Variants in APP observed in about 807,000 individuals in gnomAD.
The protein encoded by APP is amyloid beta precursor protein.
A neutral mutation model predicts 101.4 loss-of-function variants in APP; 31 were observed. The ratio of observed to expected loss-of-function variants is 0.31; its 90% CI spans 0.23 to 0.41. The LOEUF is 0.41. APP is among the 10% of genes least tolerant of loss of function. The pLI, the probability that APP is intolerant of heterozygous loss-of-function variation, is 1.00. For synonymous variants in APP, 366 were observed against 364.4 expected (o/e 1.00, Z -0.05); for missense variants, 839 against 1,003.7 (o/e 0.84, Z 2.22).
chr21:26,168,905 A>C (rs1184022911), intron 1 of APP, among the ~76,000 whole-genome samples: 2 of 152,224 alleles, frequency 1.3e-5, no homozygotes, highest in African/African-American at 4.8e-5. Flanking sequence ...AAACTAAAAA[A>C]CTAATGGTGT....
At chr21:25,964,062 T>C (rs146703604) in intron 11 of APP, among the ~76,000 whole-genome samples, 1 of 152,228 alleles carries the variant, frequency 6.6e-6, no homozygotes, top group African/African-American at 2.4e-5. Flanking sequence ...ATTGAACAAC[T>C]AATCTCTATT....
intron 11 of APP, among the ~76,000 whole-genome samples, chr21:25,973,738 TTCGA>T (rs1170147358): frequency 2.0e-5 from 3 of 151,158 alleles, no homozygotes; most frequent in Non-Finnish European, 4.4e-5. Context: ...AGGTCAGGAG[TTCGA>T]GATCAGCCTG....
intron 1 of APP, among the ~76,000 whole-genome samples, chr21:26,135,400 A>G (rs1317104995): frequency 1.3e-5 from 2 of 152,246 alleles, no homozygotes; most frequent in African/African-American, 4.8e-5. Context: ...ATTGAATTTT[A>G]TATCACTTTC....
chr21:25,959,766 G>C lies in APP; in HGVS notation c.1459-4011C>G, dbSNP rs1375896327. 1.3e-5 allele frequency among the ~76,000 whole-genome samples: 2 copies of C among 152,242 alleles called. 1 individual carries two copies. On this transcript the variant is annotated intron_variant, in intron 11 of 17. Transcript: ENST00000346798. Reference sequence around the variant, plus strand: ...TGTGGATAAAGGATTAGGATTACTGGAAAGTGATTCAAGGTATTAAAGTTA... The same window carrying C: ...TGTGGATAAAGGATTAGGATTACTGCAAAGTGATTCAAGGTATTAAAGTTA...
chr21:25,969,550 G>T (rs543552970), intron 11 of APP, among the ~76,000 whole-genome samples: 13 of 151,952 alleles, frequency 8.6e-5, no homozygotes, highest in Non-Finnish European at 4.4e-5. Context: ...ACAAAGGAAA[G>T]ATTTAAAGGT....
At chr21:25,917,882 TCAAAA>T (rs1272572598) in intron 13 of APP, among the ~76,000 whole-genome samples, 1 of 147,064 alleles carries the variant, frequency 6.8e-6, no homozygotes, top group African/African-American at 2.5e-5. Flanking sequence ...CAGACACTTC[TCAAAA>T]CAAGACATGT....
chr21:26,043,958 C>T (rs1472654160), intron 5 of APP, among the ~76,000 whole-genome samples: 1 of 152,088 alleles, frequency 6.6e-6, no homozygotes, highest in Non-Finnish European at 1.5e-5. Context: ...ATATTGTGTT[C>T]CTATGTTACA....
chr21:26,057,111 C>A (rs1352657499), intron 3 of APP, among the ~76,000 whole-genome samples: 1 of 152,224 alleles, frequency 6.6e-6, no homozygotes, highest in Non-Finnish European at 1.5e-5. Context: ...TGAACTTCCA[C>A]TGCTTTGTTT....
At chr21:26,097,491 T>C (rs886268774) in intron 2 of APP, among the ~76,000 whole-genome samples, 2 of 116,252 alleles carry the variant, frequency 1.7e-5, no homozygotes, top group Non-Finnish European at 3.5e-5. Context: ...ATATTCTAAA[T>C]AGTTGTTGGA....
chr21:25,947,759 T>C (rs369782548), intron 13 of APP, among the ~76,000 whole-genome samples: 21 of 152,206 alleles, frequency 1.4e-4, no homozygotes, highest in Middle Eastern at 3.4e-3. Flanking sequence ...TCCCAGCATT[T>C]TGGGGGGCCA....
In APP at chr21:26,053,481, C is replaced by G. The variant is rs1029134467; in HGVS notation, c.356-133G>C. Reference sequence around the variant, plus strand: ...AATGCCTAAGCAACCCAATCAAGACCCTACTACCTTTAGAATGTTACGTCT... The same window carrying G: ...AATGCCTAAGCAACCCAATCAAGACGCTACTACCTTTAGAATGTTACGTCT... On this transcript the variant is annotated intron_variant, in intron 3 of 17. Transcript: ENST00000346798. 4.4e-6 allele frequency: 3 copies of G among 689,202 alleles called. No homozygotes were observed. The African/African-American group carries it at 5.3e-5, about 12-fold the overall frequency. The allele number at this position is 689,202 out of a possible 1,614,324, so 42.7% of individuals were successfully genotyped here. A position where few individuals can be genotyped will look rare whatever the true frequency, so the allele number is the denominator to read the frequency against.
intron 15 of APP, among the ~76,000 whole-genome samples, chr21:25,902,153 T>C (rs567995725): frequency 6.6e-6 from 1 of 152,308 alleles, no homozygotes; most frequent in East Asian, 1.9e-4. Context: ...TCAGTCATGA[T>C]TATAAAGCAC....
intron 3 of APP, among the ~76,000 whole-genome samples, chr21:26,083,584 A>C (rs1188779803): frequency 6.6e-6 from 1 of 152,216 alleles, no homozygotes; most frequent in Non-Finnish European, 1.5e-5. Flanking sequence ...AATCAGAGAA[A>C]TTTCTTTTGA....
intron 1 of APP, among the ~76,000 whole-genome samples, chr21:26,155,409 A>G (rs1043345645): frequency 1.3e-5 from 2 of 152,374 alleles, no homozygotes; most frequent in African/African-American, 2.4e-5. Flanking sequence ...GTGACAGACT[A>G]AAATTAATTT....
chr21:25,970,400 G>T (rs1299812904), intron 11 of APP, among the ~76,000 whole-genome samples: 1 of 152,142 alleles, frequency 6.6e-6, no homozygotes, highest in East Asian at 1.9e-4. Flanking sequence ...TTACTTTAGA[G>T]ATTGGACTTT....
intron 13 of APP, among the ~76,000 whole-genome samples, chr21:25,946,346 G>T (rs909889973): frequency 6.6e-6 from 1 of 152,176 alleles, no homozygotes; most frequent in Admixed American, 6.5e-5. Context: ...ATAGTATCCA[G>T]AATATATAAA....
Position 26,146,445 on chromosome 21 carries a change from T to C in APP, c.57+24119A>G, listed in dbSNP as rs1388777559. ...TTGCATTTCCCTGACGACTATGAGA[T>C]TGAGCATATCTTCATAGGTTTATTG... On this transcript the variant is annotated intron_variant, in intron 1 of 17. Coordinates refer to ENST00000346798, the MANE Select transcript of APP (RefSeq NM_000484.4). Among the ~76,000 whole-genome samples, 5 of 152,256 alleles carry C rather than the reference T, an allele frequency of 3.3e-5. No individual in the cohort carries two copies. The East Asian group carries it at 7.7e-4, about 23-fold the overall frequency.
At chr21:26,165,366 C>A (rs968600686) in intron 1 of APP, among the ~76,000 whole-genome samples, 1 of 152,200 alleles carries the variant, frequency 6.6e-6, no homozygotes, top group African/African-American at 2.4e-5. Context: ...TTAATTCGAT[C>A]CTCAATAACT....
At chr21:25,960,511 G>A (rs745899790) in intron 11 of APP, among the ~76,000 whole-genome samples, 18 of 152,106 alleles carry the variant, frequency 1.2e-4, no homozygotes, top group African/African-American at 3.6e-4. Context: ...GTATAAGGGC[G>A]CTGGCTTTTT....
Sources: allele counts gnomAD v4.1 joint callset (sites outside exome capture counted in the v4.1 genomes callset), GRCh38; gene constraint gnomAD v4.1.1; transcripts MANE v1.5; gene names NCBI Gene and HGNC (gene_info 2026-07-23, HGNC 2026-07-21).